Variants in CHAF1A observed in about 807,000 individuals in gnomAD.
CHAF1A encodes the protein CAF-1 subunit A.
Under a neutral mutation model 93.2 loss-of-function variants are expected in CHAF1A, and 5 were observed. The ratio of observed to expected loss-of-function variants is 0.05; its 90% CI spans 0.03 to 0.11. CHAF1A has a LOEUF of 0.11. Ranked by LOEUF, CHAF1A falls within the 10% of genes least tolerant of loss-of-function variation. CHAF1A has a pLI of 1.00. For missense variants in CHAF1A, 1,102 were observed against 1,259.9 expected (o/e 0.87, Z 1.90); for synonymous variants, 504 against 510.3 (o/e 0.99, Z 0.17).
At chr19:4,448,569 T>A, downstream of CHAF1A, 1 of 665,318 alleles carries the variant, frequency 1.5e-6, no homozygotes, top group Admixed American at 2.5e-5. Context: ...AGAGAGACCC[T>A]CCAAGACCGC....
Position 4,422,897 on chromosome 19 carries a change from T to TC in CHAF1A, c.1247+105dup, listed in dbSNP as rs34663237. The stretch of plus-strand genomic sequence containing the variant: ...TTCCACTTCACAGGCAGATGGCGGC[T>TC]CCCTTCAGTTCCTTCCCATTTCTCC... On this transcript the variant is annotated intron_variant, in intron 5 of 14. Transcript: ENST00000301280. The surrounding 1 kb of genome is among the most constrained non-coding windows in gnomAD (Gnocchi z 4.6). 9.3e-7 allele frequency: 1 copy of TC among 1,070,224 alleles called. No individual in the cohort carries two copies. The highest frequency in any genetic ancestry group is 1.4e-6 in the Non-Finnish European group (1 of 735,172). 66.3% of individuals were successfully genotyped at this position (1,070,224 alleles called of 1,614,324 possible). A position where few individuals can be genotyped will look rare whatever the true frequency, so the allele number is the denominator to read the frequency against.
rs562493546 is a variant in CHAF1A, at chr19:4,415,552, G to A, written c.961-2468G>A. Among the ~76,000 whole-genome samples the A allele has an allele frequency of 5.9e-5, 9 of 152,360 alleles. No individual in the cohort carries two copies. In the South Asian group the frequency reaches 1.0e-3, roughly 18 times the overall value. On this transcript the variant is annotated intron_variant, in intron 3 of 14. Coordinates refer to ENST00000301280, the MANE Select transcript of CHAF1A (RefSeq NM_005483.3). The stretch of plus-strand genomic sequence containing the variant: ...ATATTCTGCAGTTAAATCCCTCAGC[G>A]TGGGGGAGAGGCACACAGCCTTGGC...
At chr19:4,445,678 A>T (rs1269597314), downstream of CHAF1A, 1 of 1,584,026 alleles carries the variant, frequency 6.3e-7, no homozygotes. Context: ...TTGCCGCGGC[A>T]GGGAACTCAG....
downstream of CHAF1A, chr19:4,445,984 G>T: frequency 6.5e-7 from 1 of 1,535,252 alleles, no homozygotes; most frequent in Non-Finnish European, 8.8e-7. Context: ...GGGGGTGTCT[G>T]TGCCGGTCCC....
chr19:4,437,966 C>T (rs1022160332), intron 13 of CHAF1A, among the ~76,000 whole-genome samples: 1 of 152,172 alleles, frequency 6.6e-6, no homozygotes, highest in Non-Finnish European at 1.5e-5. Flanking sequence ...TGGTCCCGAT[C>T]TCCTGACCTT....
Position 4,422,846 on chromosome 19 carries a change from C to T in CHAF1A, c.1247+51C>T, listed in dbSNP as rs775189849. ...GGCCCGCCACCCTGCTGCTGGATTC[C>T]GCTCCTGGCCACTCTGATGGGGCCT... On this transcript the variant is annotated intron_variant, in intron 5 of 14. Transcript: ENST00000301280. The surrounding 1 kb of genome is among the most constrained non-coding windows in gnomAD (Gnocchi z 4.6). 1.6e-5 allele frequency: 24 copies of T among 1,544,324 alleles called. 2 individuals are homozygous for T. In the Admixed American group the frequency reaches 1.9e-4, roughly 12 times the overall value.
intron 4 of CHAF1A, among the ~76,000 whole-genome samples, chr19:4,419,804 C>T (rs1473155193): frequency 2.6e-5 from 4 of 152,176 alleles, no homozygotes; most frequent in African/African-American, 9.7e-5. Context: ...ACCTCCGAGT[C>T]CCGCACACCG....
chr19:4,432,384 C>T (rs1254613883), intron 12 of CHAF1A, among the ~76,000 whole-genome samples, 177 bp downstream of exon 12: 4 of 152,084 alleles, frequency 2.6e-5, no homozygotes, highest in African/African-American at 7.2e-5. Flanking sequence ...AGCAGCAGGA[C>T]GAGGCAGGTC....
intron 3 of CHAF1A, among the ~76,000 whole-genome samples, chr19:4,411,642 A>ACCTTTTTTTTTTTTTTTT (rs1973800899): frequency 7.9e-5 from 3 of 38,066 alleles, no homozygotes; most frequent in Admixed American, 5.6e-4. Context: ...AATGGTGCAA[A>ACCTTTTTTTTTTTTTTTT]TCTTTTTTTT....
At chr19:4,437,477 G>A (rs542183610) in intron 13 of CHAF1A, among the ~76,000 whole-genome samples, 14 of 152,064 alleles carry the variant, frequency 9.2e-5, no homozygotes, top group Non-Finnish European at 2.1e-4. Context: ...GCTTCCTAAG[G>A]AGCTGGGAGT....
Position 4,409,031 on chromosome 19 carries a change from A to C in CHAF1A, c.232A>C (p.Asn78His). 3.7e-6 allele frequency: 6 copies of C among 1,614,186 alleles called. No homozygotes were observed. Among genetic ancestry groups the C allele is most frequent in the Non-Finnish European group, 5.1e-6 (6 of 1,180,040 alleles). Residue 78 changes from asparagine to histidine, a missense_variant, in exon 3 of 15, where the codon AAC (asparagine) becomes CAC (histidine). Asn to His is a moderately conservative substitution (Grantham distance 68). Around this residue, in one of 6 missense-constraint regions of CHAF1A, gnomAD observed 379 missense variants for 365.7 expected, o/e 1.04. Coordinates refer to ENST00000301280, the MANE Select transcript of CHAF1A (RefSeq NM_005483.3). ...GGCCTCTTTGGACACCTTGGAAAAC[A>C]ACTGTCATGTGGGTTCTGACATAGA... ...LEASLDTLEN[N>H]CHVGSDIDFR...
Position 4,418,080 on chromosome 19 carries a change from A to C in CHAF1A, c.1017+4A>C. On this transcript the variant is annotated splice_donor_region_variant and intron_variant, in intron 4 of 14. Coordinates refer to ENST00000301280, the MANE Select transcript of CHAF1A (RefSeq NM_005483.3). ...GAACAAGCTCAGACTGCAAAGAGTA[A>C]GACATTTTCCCTGAAATAGAAAATT... 6.3e-7 allele frequency: 1 copy of C among 1,591,506 alleles called. No homozygotes were observed. The highest frequency in any genetic ancestry group is 8.6e-7 in the Non-Finnish European group (1 of 1,167,688).
At chr19:4,403,702 C>T (rs913285861) in intron 1 of CHAF1A, among the ~76,000 whole-genome samples, 1 of 152,246 alleles carries the variant, frequency 6.6e-6, no homozygotes, top group Non-Finnish European at 1.5e-5. Context: ...CCAGAAATAC[C>T]ATTGCCCTGT....
rs753346844 is a variant in CHAF1A at position 4,409,668 on chromosome 19, C to T, written c.869C>T (p.Pro290Leu). Residue 290 changes from proline to leucine, a missense_variant, in exon 3 of 15, where the codon CCC (proline) becomes CTC (leucine). This residue lies in a region of CHAF1A where 379 missense variants were observed against 365.7 expected (regional missense o/e 1.04). Coordinates refer to ENST00000301280, the MANE Select transcript of CHAF1A (RefSeq NM_005483.3). ...SVLSHSSLSSPSSTSSPEGPP... is the reference protein window; with the variant it reads ...SVLSHSSLSSLSSTSSPEGPP... Reference sequence around the variant, plus strand: ...CTCAGCCATTCGTCCCTGAGCTCTCCCTCTTCCACCAGCTCGCCCGAGGGG... The same window carrying T: ...CTCAGCCATTCGTCCCTGAGCTCTCTCTCTTCCACCAGCTCGCCCGAGGGG... The T allele has an allele frequency of 6.2e-7, 1 of 1,614,020 alleles. No homozygotes were observed. The highest frequency in any genetic ancestry group is 1.3e-5 in the African/African-American group (1 of 74,904).
At position 4,405,683 on chromosome 19, in the gene CHAF1A, G is replaced by A. The variant is rs546208439; in HGVS notation, c.53-229G>A. On this transcript the variant is annotated intron_variant, in intron 1 of 14. Coordinates refer to ENST00000301280, the MANE Select transcript of CHAF1A (RefSeq NM_005483.3). ...TGGTGTGCTGTGCATTGCATTGTGG[G>A]ACATTTAGCAGAATCCCTGGCCTCT... Among the ~76,000 whole-genome samples, 69 of 151,792 alleles carry A rather than the reference G, an allele frequency of 4.5e-4. 1 individual carries two copies. Among genetic ancestry groups the A allele is most frequent in the Admixed American group, 1.5e-3 (23 of 15,232 alleles).
Position 4,424,268 on chromosome 19 carries a change from C to A in CHAF1A, c.1377+394C>A, listed in dbSNP as rs567957054. On this transcript the variant is annotated intron_variant, in intron 7 of 14. Coordinates refer to ENST00000301280, the MANE Select transcript of CHAF1A (RefSeq NM_005483.3). The stretch of plus-strand genomic sequence containing the variant: ...GGCGTCGGTCACCTGGCATCTCAGA[C>A]CTTCTGAGCCACCATCTGTGCATGG... Among the ~76,000 whole-genome samples, 4 of 152,276 alleles carry A rather than the reference C, an allele frequency of 2.6e-5. No homozygotes were observed. The South Asian group carries it at 8.3e-4, about 32-fold the overall frequency.
intron 12 of CHAF1A, among the ~76,000 whole-genome samples, 156 bp downstream of exon 12, chr19:4,432,363 A>G (rs978351970): frequency 6.6e-6 from 1 of 152,272 alleles, no homozygotes; most frequent in African/African-American, 2.4e-5. Context: ...CGTACGTTCA[A>G]TGATGTCCCT....
chr19:4,432,099 G>C lies in CHAF1A; in HGVS notation c.2095G>C (p.Asp699His), dbSNP rs375548057. The C allele has an allele frequency of 1.9e-6, 3 of 1,613,948 alleles. No individual in the cohort carries two copies. The highest frequency in any genetic ancestry group is 1.7e-6 in the Non-Finnish European group (2 of 1,180,016). ...GGCGGCTGACAGAGACTGCGCAGGC[G>C]ATGACCTGAAGGTACTGCAGCAGTT... ...VWAADRDCAG[D>H]DLKVLQQFAA... Residue 699 changes from aspartate (D) to histidine (H), a missense_variant, in exon 12 of 15, where the codon GAT (aspartate) becomes CAT (histidine). This residue lies in a region of CHAF1A where 335 missense variants were observed against 361.9 expected (regional missense o/e 0.93). Coordinates refer to ENST00000301280, the MANE Select transcript of CHAF1A (RefSeq NM_005483.3).
rs1381910006 is a variant in CHAF1A at position 4,430,851 on chromosome 19, G to A, written c.1947+210G>A. The A allele has an allele frequency of 8.9e-6, 5 of 560,134 alleles. No individual in the cohort carries two copies. The Admixed American group carries it at 1.2e-4, about 14-fold the overall frequency. 34.7% of individuals were successfully genotyped at this position (560,134 alleles called of 1,614,324 possible). A position where few individuals can be genotyped will look rare whatever the true frequency, so the allele number is the denominator to read the frequency against. On this transcript the variant is annotated intron_variant, in intron 11 of 14. Coordinates refer to ENST00000301280, the MANE Select transcript of CHAF1A (RefSeq NM_005483.3). ...TGGCAGACGTAGGAGGAGCTTGCAAGCGAGGGGAGCCATAGGAGCAGACAC... is the reference window on the plus strand; with the variant it reads ...TGGCAGACGTAGGAGGAGCTTGCAAACGAGGGGAGCCATAGGAGCAGACAC...
Sources: gnomAD v4.1 joint callset for allele counts (sites outside exome capture counted in the v4.1 genomes callset) on GRCh38, gnomAD v4.1.1 for gene constraint, gnomAD v4.1.1 regional missense constraint, Gnocchi (gnomAD v3.1) non-coding constraint, MANE v1.5 for transcripts, NCBI Gene and HGNC (gene_info 2026-07-23, HGNC 2026-07-21) for gene names.